The following RPL28 variants were observed in gnomAD, a reference collection of about 807,000 sequenced individuals.
The protein encoded by RPL28 is ribosomal protein L28, also known as large ribosomal subunit protein eL28.
Under a neutral mutation model 12.5 loss-of-function variants are expected in RPL28, and 4 were observed. The ratio of observed to expected loss-of-function variants is 0.32; its 90% CI spans 0.16 to 0.73. The LOEUF is 0.73. Among genes scored for constraint, RPL28 ranks in the 30% least tolerant of loss-of-function variants. The pLI is 0.66. For synonymous variants in RPL28, 91 were observed against 72.5 expected (o/e 1.26, Z -1.30); for missense variants, 214 against 197.7 (o/e 1.08, Z -0.49).
Position 55,391,549 on chromosome 19 carries a change from C to T in RPL28, c.*3217C>T. On this transcript the variant is annotated 3_prime_UTR_variant, in exon 5 of 5. Transcript: ENST00000344063. ...ACTCGGGACTGAGGCATCCTCTGTT[C>T]ACAGGACATGCTGGCATCTACTGGG... 2 of 1,527,270 alleles carry T rather than the reference C, an allele frequency of 1.3e-6. No homozygotes were observed. The highest frequency in any genetic ancestry group is 1.8e-6 in the Non-Finnish European group (2 of 1,128,288). 94.6% of individuals were successfully genotyped at this position (1,527,270 alleles called of 1,614,324 possible).
At chr19:55,399,705 AC>A (rs2090043611) in intron 4 of RPL28, 1 of 152,178 alleles carries the variant, frequency 6.6e-6, no homozygotes, top group Admixed American at 6.5e-5. Flanking sequence ...TCCTATTAAT[AC>A]CCAGGAGATT....
In RPL28 at chr19:55,389,261, G is replaced by C; in HGVS notation, c.*929G>C. The stretch of plus-strand genomic sequence containing the variant: ...GCTCCTCAGAGGTTGAGTAGAGGCT[G>C]AGGTGAGCGGAGCACTTGAGCCAAG... On this transcript the variant is annotated 3_prime_UTR_variant, in exon 5 of 5. Coordinates refer to ENST00000344063, the MANE Select transcript of RPL28 (RefSeq NM_000991.5). 1 of 912,806 alleles carries C rather than the reference G, an allele frequency of 1.1e-6. No homozygotes were observed. The highest frequency in any genetic ancestry group is 1.3e-6 in the Non-Finnish European group (1 of 763,642). The allele number at this position is 912,806 out of a possible 1,614,324, so 56.5% of individuals were successfully genotyped here.
downstream of RPL28, among the ~76,000 whole-genome samples, chr19:55,395,647 G>A (rs185900965): frequency 4.0e-5 from 6 of 149,978 alleles, no homozygotes; most frequent in Non-Finnish European, 8.9e-5. Context: ...GTTTCACTGT[G>A]TTAGCCAGGA....
At chr19:55,394,333 C>A (rs962638705), downstream of RPL28, among the ~76,000 whole-genome samples, 4 of 152,264 alleles carry the variant, frequency 2.6e-5, no homozygotes, top group Non-Finnish European at 5.9e-5. Flanking sequence ...AATCTCGGCT[C>A]ACTGCAGCCT....
chr19:55,388,128 T>G (rs748894795), intron 4 of RPL28, 80 bp downstream of exon 4: 2 of 1,592,578 alleles, frequency 1.3e-6, no homozygotes, highest in Non-Finnish European at 1.7e-6. Context: ...GGTTGCAATA[T>G]GGGCTGGAGA....
At chr19:55,400,157 C>T (rs1314330398) in intron 4 of RPL28, 1 of 152,142 alleles carries the variant, frequency 6.6e-6, no homozygotes, top group African/African-American at 2.4e-5. Context: ...TTCCACTCTC[C>T]TATGGGTCAG....
chr19:55,393,786 T>G (rs1337875529), downstream of RPL28, among the ~76,000 whole-genome samples: 2 of 151,838 alleles, frequency 1.3e-5, no homozygotes, highest in African/African-American at 4.8e-5. Flanking sequence ...GTAGCTGGGA[T>G]TACAGGGGCC....
At position 55,391,812 on chromosome 19, in the gene RPL28, T is replaced by C. The variant is rs557230084; in HGVS notation, c.*3480T>C. On this transcript the variant is annotated 3_prime_UTR_variant, in exon 5 of 5. Transcript: ENST00000344063. Reference sequence around the variant, plus strand: ...ACTCATGATCACAGATGTCTTCACATGCCTATGACTAATTTGTACACAAAC... The same window carrying C: ...ACTCATGATCACAGATGTCTTCACACGCCTATGACTAATTTGTACACAAAC... The C allele has an allele frequency of 3.9e-5, 56 of 1,420,484 alleles. No homozygotes were observed. In the African/African-American group the frequency reaches 5.9e-4, roughly 15 times the overall value. 88.0% of individuals were successfully genotyped at this position (1,420,484 alleles called of 1,614,324 possible).
Position 55,389,924 on chromosome 19 carries a change from C to T in RPL28, c.*1592C>T, listed in dbSNP as rs554230308. 3.8e-5 allele frequency: 37 copies of T among 985,536 alleles called. No individual in the cohort carries two copies. The African/African-American group carries it at 5.6e-4, about 15-fold the overall frequency. The allele number at this position is 985,536 out of a possible 1,614,324, so 61.0% of individuals were successfully genotyped here. A position where few individuals can be genotyped will look rare whatever the true frequency, so the allele number is the denominator to read the frequency against. On this transcript the variant is annotated 3_prime_UTR_variant, in exon 5 of 5. Transcript: ENST00000344063. ...CCACTGTCCCAGTCCCACTCAGGCCCATCTCTGGCTGGCCTCACTGCGCTG... is the reference window on the plus strand; with the variant it reads ...CCACTGTCCCAGTCCCACTCAGGCCTATCTCTGGCTGGCCTCACTGCGCTG...
At chr19:55,401,698 A>G (rs2090060157) in intron 4 of RPL28, 1 of 1,613,062 alleles carries the variant, frequency 6.2e-7, no homozygotes. Context: ...CTCCAAGAGC[A>G]GGCGGCCCGC....
intron 4 of RPL28, among the ~76,000 whole-genome samples, chr19:55,402,001 G>T (rs2090063184): frequency 6.6e-6 from 1 of 152,228 alleles, no homozygotes; most frequent in Non-Finnish European, 1.5e-5. Flanking sequence ...AGGCCCAATG[G>T]TTTAAAATGT....
chr19:55,394,402 G>A (rs1056876448), downstream of RPL28, among the ~76,000 whole-genome samples: 3 of 151,630 alleles, frequency 2.0e-5, no homozygotes, highest in East Asian at 2.0e-4. Flanking sequence ...TGGCACCACC[G>A]GTGTGCTCCA....
chr19:55,392,222 C>G, downstream of RPL28: 1 of 505,338 alleles, frequency 2.0e-6, no homozygotes. Context: ...CACACATATG[C>G]ATGCAGATCT....
Position 55,391,345 on chromosome 19 carries a change from G to A in RPL28, c.*3013G>A, listed in dbSNP as rs2123288883. The A allele has an allele frequency of 9.2e-7, 1 of 1,083,240 alleles. No individual in the cohort carries two copies. Among genetic ancestry groups the A allele is most frequent in the South Asian group, 4.3e-5 (1 of 23,168 alleles). 67.1% of individuals were successfully genotyped at this position (1,083,240 alleles called of 1,614,324 possible). Reference sequence around the variant, plus strand: ...TGCCTCAGTTTCCCATATGTAAAAGGCCATTTTGAGTGCCTTTCACAGCCC... The same window carrying A: ...TGCCTCAGTTTCCCATATGTAAAAGACCATTTTGAGTGCCTTTCACAGCCC... On this transcript the variant is annotated 3_prime_UTR_variant, in exon 5 of 5. Coordinates refer to ENST00000344063, the MANE Select transcript of RPL28 (RefSeq NM_000991.5).
At chr19:55,392,784 C>T (rs1291981568), downstream of RPL28, among the ~76,000 whole-genome samples, 1 of 152,116 alleles carries the variant, frequency 6.6e-6, no homozygotes, top group Non-Finnish European at 1.5e-5. Context: ...CCGCCTCGGT[C>T]CCCCAAAGTG....
chr19:55,403,172 G>A (rs903855272), exon 5 of RPL28: 2 of 683,062 alleles, frequency 2.9e-6, no homozygotes, highest in Non-Finnish European at 5.3e-6. Context: ...ATACCCCTTG[G>A]GGGGCAAAAT....
rs2089969253 is a variant in RPL28, at chr19:55,389,518, C to T, written c.*1186C>T. 1.0e-6 allele frequency: 1 copy of T among 985,384 alleles called. No individual in the cohort carries two copies. The highest frequency in any genetic ancestry group is 1.1e-4 in the East Asian group (1 of 8,828). The allele number at this position is 985,384 out of a possible 1,614,324, so 61.0% of individuals were successfully genotyped here. On this transcript the variant is annotated 3_prime_UTR_variant, in exon 5 of 5. Transcript: ENST00000344063. ...TTCAAAGAAGGACTCTGCTCCCTGT[C>T]TGAGACCACCCCCGGCTCTGACTGA...
At chr19:55,394,725 CCA>C (rs2090011373), downstream of RPL28, among the ~76,000 whole-genome samples, 1 of 152,050 alleles carries the variant, frequency 6.6e-6, no homozygotes, top group African/African-American at 2.4e-5. Context: ...GTGTGTGCTG[CCA>C]CACCCAGCTA....
intron 4 of RPL28, chr19:55,401,276 C>T (rs2090055598): frequency 2.3e-6 from 2 of 878,540 alleles, no homozygotes; most frequent in Non-Finnish European, 3.4e-6. Context: ...CTGTGAGACA[C>T]AGAAGCTGCT....
Sources: gnomAD v4.1 joint callset for allele counts (sites outside exome capture counted in the v4.1 genomes callset) on GRCh38, gnomAD v4.1.1 for gene constraint, MANE v1.5 for transcripts, NCBI Gene and HGNC (gene_info 2026-07-23, HGNC 2026-07-21) for gene names.